The following DOCK9 variants were observed in gnomAD, a reference collection of about 807,000 sequenced individuals.
DOCK9 encodes the protein dedicator of cytokinesis 9.
A neutral mutation model predicts 263.3 loss-of-function variants in DOCK9; 89 were observed. The observed-to-expected ratio is 0.34, with a 90% CI of 0.28 to 0.40. The LOEUF (loss-of-function observed/expected upper bound fraction) is 0.40. Ranked by LOEUF, DOCK9 falls within the 10% of genes least tolerant of loss-of-function variation. The pLI is 1.00. For synonymous variants in DOCK9, 976 were observed against 973.1 expected (o/e 1.00, Z -0.06); for missense variants, 2,140 against 2,603.4 (o/e 0.82, Z 3.87).
intron 30 of DOCK9, among the ~76,000 whole-genome samples, chr13:98,865,960 G>A (rs1304285435): frequency 6.6e-6 from 1 of 151,364 alleles, no homozygotes; most frequent in Non-Finnish European, 1.5e-5. Context: ...TGCCTGGAAT[G>A]TGCAGAATAG....
intron 1 of DOCK9, among the ~76,000 whole-genome samples, chr13:98,994,219 T>C (rs1385354741): frequency 6.6e-6 from 1 of 152,254 alleles, no homozygotes; most frequent in Non-Finnish European, 1.5e-5. Flanking sequence ...ACAGAAGCTG[T>C]TCTGCCCACT....
Position 98,831,449 on chromosome 13 carries a change from G to C in DOCK9, c.4534C>G (p.Leu1512Val). The C allele has an allele frequency of 6.3e-7, 1 of 1,598,366 alleles. No individual in the cohort carries two copies. The highest frequency in any genetic ancestry group is 1.1e-5 in the South Asian group (1 of 87,942). ...GAGGCCTCCGTCCTGATGGAGCTCA[G>C]CTTGGAGTTACAGCACTTGAGAATC... is the stretch of plus-strand genomic sequence containing the variant. ...YEILKCCNSK[L>V]SSIRTEASQL... is the part of the protein sequence containing the mutation. Residue 1512 changes from leucine (L) to valine (V), a missense_variant, in exon 41 of 53, where the codon CTG becomes GTG. Coordinates refer to ENST00000682017, the MANE Select transcript of DOCK9 (RefSeq NM_001366683.2).
chr13:98,970,106 C>T (rs1289854161), intron 1 of DOCK9, among the ~76,000 whole-genome samples: 4 of 151,880 alleles, frequency 2.6e-5, no homozygotes, highest in African/African-American at 7.3e-5. Context: ...GCAATCTTCC[C>T]GCCTCATCTT....
In DOCK9 at chr13:99,019,432, G is replaced by T. The variant is rs118045905; in HGVS notation, c.130-63881C>A. ...GTGACTACACTTGTGATGCTTTGAAGCCTCATTCCTCCTTCATCCCTTTCT... is the reference window on the plus strand; with the variant it reads ...GTGACTACACTTGTGATGCTTTGAATCCTCATTCCTCCTTCATCCCTTTCT... On this transcript the variant is annotated intron_variant, in intron 1 of 32. Transcript: ENST00000427887. 4.7e-3 allele frequency among the ~76,000 whole-genome samples: 713 copies of T among 152,204 alleles called. 6 individuals are homozygous for T. Among genetic ancestry groups the T allele is most frequent in the South Asian group, 0.016 (75 of 4,812 alleles).
At chr13:98,853,250 A>G (rs2093620629) in intron 35 of DOCK9, among the ~76,000 whole-genome samples, 158 bp downstream of exon 35, 1 of 152,256 alleles carries the variant, frequency 6.6e-6, no homozygotes, top group Non-Finnish European at 1.5e-5. Context: ...ACCTTAGTCA[A>G]TGAATTGCAT....
intron 7 of DOCK9, among the ~76,000 whole-genome samples, chr13:98,920,561 C>G (rs2051785186): frequency 6.6e-6 from 1 of 152,134 alleles, no homozygotes; most frequent in African/African-American, 2.4e-5. Flanking sequence ...TGATCTACAC[C>G]GCCACTGGTA....
chr13:98,893,419 C>T (rs1473388448), intron 15 of DOCK9, among the ~76,000 whole-genome samples: 1 of 152,162 alleles, frequency 6.6e-6, no homozygotes, highest in Non-Finnish European at 1.5e-5. Flanking sequence ...CCATCTTATC[C>T]ATGAGATACC....
chr13:99,071,651 G>A (rs1022541255), intron 1 of DOCK9, among the ~76,000 whole-genome samples: 1 of 151,972 alleles, frequency 6.6e-6, no homozygotes, highest in African/African-American at 2.4e-5. Context: ...GGGACAGGAG[G>A]CAAGAGAAGC....
chr13:99,030,510 C>A (rs550121564), intron 1 of DOCK9, among the ~76,000 whole-genome samples: 138 of 152,334 alleles, frequency 9.1e-4, no homozygotes, highest in Non-Finnish European at 1.5e-3. Context: ...GATGGTTTCA[C>A]TGCTTCAAAA....
chr13:98,933,865 CTGTTGT>C (rs71724333), intron 2 of DOCK9, among the ~76,000 whole-genome samples: 31,866 of 148,790 alleles, frequency 0.21, 4,705 homozygotes, highest in African/African-American at 0.41. Context: ...AACCTAGCCT[CTGTTGT>C]TGTTGTTGTT....
At chr13:98,983,226 G>C (rs1394895450) in intron 1 of DOCK9, among the ~76,000 whole-genome samples, 2 of 152,124 alleles carry the variant, frequency 1.3e-5, no homozygotes, top group Non-Finnish European at 2.9e-5. Context: ...TGGGGAAGTA[G>C]AAACAATAAG....
chr13:98,903,599 CAAAAAA>C (rs72290114), intron 10 of DOCK9, among the ~76,000 whole-genome samples: 2 of 78,540 alleles, frequency 2.5e-5, no homozygotes, highest in African/African-American at 5.0e-5. Context: ...GACTCTGCCT[CAAAAAA>C]AAAAAAAAAA....
intron 35 of DOCK9, 130 bp from the exon 36 acceptor site, chr13:98,850,243 T>C (rs552901072): frequency 1.7e-6 from 1 of 583,920 alleles, no homozygotes; most frequent in South Asian, 2.4e-5. Context: ...CTCTAAACCC[T>C]TCCCCTGCCC....
chr13:99,012,427 T>A lies in DOCK9; in HGVS notation c.130-56876A>T, dbSNP rs1884657596. ...CATCCTTCATGAATGTTACATTCCC[T>A]CCACAAAGGCTTGGTGCACACTGAG... is the stretch of plus-strand genomic sequence containing the variant. On this transcript the variant is annotated intron_variant, in intron 1 of 32. Coordinates refer to the DOCK9 transcript ENST00000427887. Among the ~76,000 whole-genome samples the A allele has an allele frequency of 2.0e-5, 3 of 152,144 alleles. No individual in the cohort carries two copies. In the South Asian group the frequency reaches 6.2e-4, roughly 31 times the overall value.
rs781200040 is a variant in DOCK9, at chr13:98,794,768, C to G, written c.6157-20G>C. 20 of 1,613,358 alleles carry G rather than the reference C, an allele frequency of 1.2e-5. No individual in the cohort carries two copies. Among genetic ancestry groups the G allele is most frequent in the South Asian group, 2.2e-5 (2 of 90,978 alleles). On this transcript the variant is annotated intron_variant, in intron 52 of 52. Coordinates refer to ENST00000682017, the MANE Select transcript of DOCK9 (RefSeq NM_001366683.2). ...GCAGATCTTGAGGACAGAAACACAA[C>G]GTTACTGAGGGCAACACAAGGTTAC...
intron 33 of DOCK9, chr13:98,858,905 T>A (rs994953845): frequency 2.0e-5 from 3 of 152,218 alleles, no homozygotes; most frequent in Non-Finnish European, 2.9e-5. Context: ...ATTAAAACTT[T>A]GTGGAAATGA....
At chr13:98,881,216 G>A in intron 25 of DOCK9, among the ~76,000 whole-genome samples, 1 of 151,564 alleles carries the variant, frequency 6.6e-6, no homozygotes, top group Admixed American at 6.6e-5. Flanking sequence ...TTGCTGGAAA[G>A]TTTAGATGGA....
rs2092391646 is a variant in DOCK9 at position 98,823,568 on chromosome 13, C to T, written c.5130+830G>A. The stretch of plus-strand genomic sequence containing the variant: ...GGGAGAAATTGGACAACTTCAATTT[C>T]CTTAAAACATGGGCAGGATTAAAAA... On this transcript the variant is annotated intron_variant, in intron 45 of 52. Coordinates refer to ENST00000682017, the MANE Select transcript of DOCK9 (RefSeq NM_001366683.2). 2.0e-5 allele frequency among the ~76,000 whole-genome samples: 3 copies of T among 152,182 alleles called. 1 individual carries two copies. The South Asian group carries it at 6.2e-4, about 32-fold the overall frequency.
chr13:98,907,983 T>C (rs1178671487), intron 9 of DOCK9, among the ~76,000 whole-genome samples: 3 of 152,148 alleles, frequency 2.0e-5, no homozygotes, highest in African/African-American at 7.2e-5. Flanking sequence ...TCCCTGCTCA[T>C]TAAAAGAGAA....
Sources: gnomAD v4.1 joint callset for allele counts (sites outside exome capture counted in the v4.1 genomes callset) on GRCh38, gnomAD v4.1.1 for gene constraint, MANE v1.5 for transcripts, NCBI Gene and HGNC (gene_info 2026-07-23, HGNC 2026-07-21) for gene names.